Variants in GRAMD1B observed in about 807,000 individuals in gnomAD.
The protein encoded by GRAMD1B is protein Aster-B.
In GRAMD1B, 37 loss-of-function variants were observed where a neutral mutation model predicts 99.7. That is an observed-to-expected ratio of 0.37 (90% CI 0.29 to 0.49). The LOEUF (loss-of-function observed/expected upper bound fraction) is 0.49, where lower values mean the gene tolerates loss of function less well. Among genes scored for constraint, GRAMD1B ranks in the 20% least tolerant of loss-of-function variants. The pLI is 0.98. For missense variants in GRAMD1B, 888 were observed against 1,009.2 expected (o/e 0.88, Z 1.63); for synonymous variants, 427 against 387.6 (o/e 1.10, Z -1.19).
intron 2 of GRAMD1B, among the ~76,000 whole-genome samples, chr11:123,537,609 A>G (rs1944102562): frequency 6.6e-6 from 1 of 152,170 alleles, no homozygotes. Context: ...GCATGTTCAA[A>G]TGGTTTCTGT....
chr11:123,404,058 C>T (rs1431581450), intron 1 of GRAMD1B, among the ~76,000 whole-genome samples: 2 of 152,302 alleles, frequency 1.3e-5, no homozygotes, highest in South Asian at 2.1e-4. Flanking sequence ...TTGCTGATTT[C>T]ATCCTCAGAG....
intron 4 of GRAMD1B, among the ~76,000 whole-genome samples, chr11:123,592,373 C>G (rs1412789840): frequency 6.6e-6 from 1 of 152,200 alleles, no homozygotes; most frequent in African/African-American, 2.4e-5. Context: ...TCATATTCCA[C>G]TCCAAGTTGC....
chr11:123,500,461 G>A (rs1040873195), intron 2 of GRAMD1B, among the ~76,000 whole-genome samples: 15 of 152,140 alleles, frequency 9.9e-5, no homozygotes, highest in African/African-American at 3.6e-4. Flanking sequence ...ATGCTTGTAT[G>A]TTATTCACTT....
At chr11:123,513,098 T>C (rs1941205391) in intron 2 of GRAMD1B, among the ~76,000 whole-genome samples, 1 of 152,204 alleles carries the variant, frequency 6.6e-6, no homozygotes, top group Non-Finnish European at 1.5e-5. Flanking sequence ...AGTTTCAATA[T>C]CACTTTTTAA....
intron 1 of GRAMD1B, among the ~76,000 whole-genome samples, chr11:123,468,937 G>C (rs189131569): frequency 6.5e-4 from 99 of 152,046 alleles, no homozygotes; most frequent in Non-Finnish European, 8.7e-4. Context: ...GTATGTGTGG[G>C]TGTTTATTTA....
At chr11:123,372,014 T>A (rs564702644) in intron 1 of GRAMD1B, among the ~76,000 whole-genome samples, 1 of 152,074 alleles carries the variant, frequency 6.6e-6, no homozygotes, top group South Asian at 2.1e-4. Context: ...AAAAAAAAAA[T>A]CTCTGTTGTG....
At chr11:123,551,656 GA>G (rs1945630149) in intron 2 of GRAMD1B, among the ~76,000 whole-genome samples, 1 of 152,192 alleles carries the variant, frequency 6.6e-6, no homozygotes, top group African/African-American at 2.4e-5. Context: ...GTGGGCAAAT[GA>G]AATTACTCTA....
chr11:123,611,943 A>G (rs1354779075), intron 14 of GRAMD1B, among the ~76,000 whole-genome samples: 2 of 152,200 alleles, frequency 1.3e-5, no homozygotes, highest in African/African-American at 2.4e-5. Flanking sequence ...GGGCTGCTGC[A>G]TAGGAGAGAA....
intron 2 of GRAMD1B, among the ~76,000 whole-genome samples, chr11:123,483,336 C>T (rs550101981): frequency 2.6e-5 from 4 of 151,562 alleles, no homozygotes; most frequent in South Asian, 4.2e-4. Flanking sequence ...CAGGATGACA[C>T]GTAATTTGAA....
chr11:123,597,760 T>C lies in GRAMD1B; in HGVS notation c.969+1723T>C, dbSNP rs534047217. Among the ~76,000 whole-genome samples the C allele has an allele frequency of 2.0e-5, 3 of 152,326 alleles. No individual in the cohort carries two copies. The South Asian group carries it at 6.2e-4, about 32-fold the overall frequency. Reference sequence around the variant, plus strand: ...TATTTTCTTGCAGAATCTTTTTAAATATAAAACATAAAACACATCTCAAAC... The same window carrying C: ...TATTTTCTTGCAGAATCTTTTTAAACATAAAACATAAAACACATCTCAAAC... On this transcript the variant is annotated intron_variant, in intron 7 of 19. Transcript: ENST00000635736.
intron 2 of GRAMD1B, among the ~76,000 whole-genome samples, chr11:123,500,641 GTAT>G (rs1939758529): frequency 6.6e-6 from 1 of 151,936 alleles, no homozygotes; most frequent in Admixed American, 6.6e-5. Context: ...AATAATAATG[GTAT>G]TATTATTAAA....
chr11:123,594,839 G>A lies in GRAMD1B; in HGVS notation c.873+1G>A. On this transcript the variant is annotated splice_donor_variant, in intron 6 of 19. Transcript: ENST00000635736. LOFTEE classifies it high-confidence loss of function. ...CAACATCTTCCGCTGGGAAACTCTG[G>A]TAAAGACCTGGGCATGCTCCCTTGG... 6.6e-7 allele frequency: 1 copy of A among 1,518,392 alleles called. No homozygotes were observed. Among genetic ancestry groups the A allele is most frequent in the Non-Finnish European group, 9.2e-7 (1 of 1,092,774 alleles). 94.1% of individuals were successfully genotyped at this position (1,518,392 alleles called of 1,614,324 possible).
chr11:123,619,390 G>C, intron 19 of GRAMD1B, 166 bp downstream of exon 19: 1 of 1,491,962 alleles, frequency 6.7e-7, no homozygotes, highest in Non-Finnish European at 8.9e-7. Context: ...CCTTCCTTGA[G>C]TGGGCTGCTA....
At chr11:123,512,096 C>T (rs1941083630) in intron 2 of GRAMD1B, among the ~76,000 whole-genome samples, 1 of 152,236 alleles carries the variant, frequency 6.6e-6, no homozygotes, top group African/African-American at 2.4e-5. Flanking sequence ...CTTCCACAAA[C>T]ATCTGAATAG....
chr11:123,395,434 C>G (rs551975097), intron 1 of GRAMD1B, among the ~76,000 whole-genome samples: 2 of 152,042 alleles, frequency 1.3e-5, no homozygotes, highest in Non-Finnish European at 2.9e-5. Flanking sequence ...CCTTCATATA[C>G]AGCCAAATGA....
chr11:123,453,343 A>T (rs1949972568), intron 1 of GRAMD1B, among the ~76,000 whole-genome samples: 1 of 151,994 alleles, frequency 6.6e-6, no homozygotes, highest in Non-Finnish European at 1.5e-5. Flanking sequence ...TTTTAAGACA[A>T]TCTCACTCTG....
intron 2 of GRAMD1B, among the ~76,000 whole-genome samples, chr11:123,569,127 C>T (rs1173343898): frequency 8.9e-5 from 1 of 11,252 alleles, no homozygotes; most frequent in Non-Finnish European, 1.3e-4. Flanking sequence ...TCTCTCTGGA[C>T]CTTTTTATAT....
intron 1 of GRAMD1B, among the ~76,000 whole-genome samples, chr11:123,382,340 A>G (rs892966743): frequency 6.6e-6 from 1 of 152,098 alleles, no homozygotes; most frequent in African/African-American, 2.4e-5. Context: ...ACTTCTCCCC[A>G]CTTCTGTACC....
At chr11:123,607,380 G>A (rs559234545) in intron 11 of GRAMD1B, among the ~76,000 whole-genome samples, 63 of 152,290 alleles carry the variant, frequency 4.1e-4, no homozygotes, top group African/African-American at 1.5e-3. Flanking sequence ...ATGGAGAGAA[G>A]CCAAATTCTC....
Sources: gnomAD v4.1 joint callset for allele counts (sites outside exome capture counted in the v4.1 genomes callset) on GRCh38, gnomAD v4.1.1 for gene constraint, MANE v1.5 for transcripts, NCBI Gene and HGNC (gene_info 2026-07-23, HGNC 2026-07-21) for gene names.